Variants in SIPA1L2 observed in about 807,000 individuals in gnomAD.
SIPA1L2 encodes signal induced proliferation associated 1 like 2.
A neutral mutation model predicts 163.9 loss-of-function variants in SIPA1L2; 56 were observed. That is an observed-to-expected ratio of 0.34 (90% CI 0.28 to 0.43). The LOEUF is 0.43. Ranked by LOEUF, SIPA1L2 falls within the 20% of genes least tolerant of loss-of-function variation. The pLI, the probability that SIPA1L2 is intolerant of heterozygous loss-of-function variation, is 1.00. For synonymous variants in SIPA1L2, 877 were observed against 865.7 expected (o/e 1.01, Z -0.23); for missense variants, 1,974 against 2,193.5 (o/e 0.90, Z 2.00).
intron 2 of SIPA1L2, among the ~76,000 whole-genome samples, chr1:232,564,503 C>T (rs1659286233): frequency 6.6e-6 from 1 of 151,734 alleles, no homozygotes; most frequent in Non-Finnish European, 1.5e-5. Flanking sequence ...CACCAAGAGG[C>T]CAGGAGTGCC....
intron 15 of SIPA1L2, among the ~76,000 whole-genome samples, chr1:232,434,976 G>A (rs1662467706): frequency 6.6e-6 from 1 of 152,158 alleles, no homozygotes; most frequent in South Asian, 2.1e-4. Context: ...CAGTCCACAT[G>A]CTAGTTTCCC....
chr1:232,573,034 G>C (rs1659886973), intron 2 of SIPA1L2, among the ~76,000 whole-genome samples: 1 of 151,874 alleles, frequency 6.6e-6, no homozygotes, highest in South Asian at 2.1e-4. Context: ...GTCCGCCTCG[G>C]CCTTCCAAAA....
chr1:232,436,500 C>T (rs1662570982), intron 15 of SIPA1L2, among the ~76,000 whole-genome samples: 2 of 152,182 alleles, frequency 1.3e-5, no homozygotes, highest in Admixed American at 1.3e-4. Flanking sequence ...TCTTCTGTTA[C>T]CTGGGCTACT....
chr1:232,420,218 G>A (rs1230645388), intron 18 of SIPA1L2, among the ~76,000 whole-genome samples: 1 of 152,100 alleles, frequency 6.6e-6, no homozygotes, highest in Non-Finnish European at 1.5e-5. Flanking sequence ...AGTTACTCGG[G>A]AGGCTGAGGC....
chr1:232,609,829 CAA>C (rs71173228), intron 1 of SIPA1L2, among the ~76,000 whole-genome samples: 115 of 102,298 alleles, frequency 1.1e-3, no homozygotes, highest in Middle Eastern at 4.4e-3. Flanking sequence ...GACTCCATCT[CAA>C]AAAAAAAAAA....
intron 18 of SIPA1L2, among the ~76,000 whole-genome samples, chr1:232,416,213 A>G (rs1035749259): frequency 1.3e-5 from 2 of 152,240 alleles, no homozygotes; most frequent in Non-Finnish European, 2.9e-5. Context: ...CAGTCAGCAC[A>G]GGAACCACCA....
chr1:232,626,805 T>C (rs1663100861), intron 1 of SIPA1L2, among the ~76,000 whole-genome samples: 1 of 152,212 alleles, frequency 6.6e-6, no homozygotes, highest in Non-Finnish European at 1.5e-5. Context: ...CTCTAATGCG[T>C]TCGTCTTAAA....
chr1:232,491,231 A>G (rs1037135398), intron 4 of SIPA1L2, among the ~76,000 whole-genome samples, 169 bp from the exon 5 acceptor site: 7 of 152,194 alleles, frequency 4.6e-5, no homozygotes, highest in Non-Finnish European at 1.0e-4. Flanking sequence ...ACACTCAAGG[A>G]GTCTTTAAAC....
At chr1:232,479,767 T>C (rs2102967784) in intron 6 of SIPA1L2, 37 bp from the exon 7 acceptor site, 1 of 1,564,310 alleles carries the variant, frequency 6.4e-7, no homozygotes, top group African/African-American at 1.4e-5. Context: ...CAAGGTAAGC[T>C]GCTACAAAAT....
intron 1 of SIPA1L2, among the ~76,000 whole-genome samples, chr1:232,611,234 T>C (rs1650053944): frequency 6.6e-6 from 1 of 152,220 alleles, no homozygotes; most frequent in African/African-American, 2.4e-5. Flanking sequence ...AAACCATTTT[T>C]TCTTCCCAGT....
chr1:232,440,246 C>T (rs1662808813), intron 14 of SIPA1L2, among the ~76,000 whole-genome samples: 1 of 152,194 alleles, frequency 6.6e-6, no homozygotes, highest in Non-Finnish European at 1.5e-5. Flanking sequence ...CTCATACAGA[C>T]ACGGCCTCTC....
chr1:232,624,172 A>G (rs983380455), intron 1 of SIPA1L2, among the ~76,000 whole-genome samples: 9 of 152,210 alleles, frequency 5.9e-5, no homozygotes, highest in Admixed American at 2.0e-4. Flanking sequence ...AATTGTGTAT[A>G]GATGGGATGC....
At chr1:232,443,537 C>T (rs1663029033) in intron 12 of SIPA1L2, 65 bp downstream of exon 12, 4 of 1,324,256 alleles carry the variant, frequency 3.0e-6, no homozygotes, top group East Asian at 2.5e-5. Flanking sequence ...ACAGTAAATG[C>T]TTTTCAATGA....
intron 1 of SIPA1L2, among the ~76,000 whole-genome samples, chr1:232,623,855 C>T (rs1662941429): frequency 6.6e-6 from 1 of 151,996 alleles, no homozygotes; most frequent in African/African-American, 2.4e-5. Flanking sequence ...CAAGACCCTA[C>T]AGGCTCCCTA....
chr1:232,628,567 G>T (rs1008464676), intron 1 of SIPA1L2, among the ~76,000 whole-genome samples: 16 of 152,180 alleles, frequency 1.1e-4, no homozygotes, highest in Admixed American at 1.0e-3. Flanking sequence ...TAACCAAGTT[G>T]TCTCTTGAAA....
At chr1:232,409,987 A>G (rs1011996443) in intron 19 of SIPA1L2, among the ~76,000 whole-genome samples, 2 of 152,202 alleles carry the variant, frequency 1.3e-5, no homozygotes, top group African/African-American at 4.8e-5. Context: ...TATAATCTCT[A>G]ATTAAACTTC....
rs369174820 is a variant in SIPA1L2, at chr1:232,398,971, C to T, written c.*156G>A. 2.2e-5 allele frequency: 22 copies of T among 984,930 alleles called. No individual in the cohort carries two copies. Among genetic ancestry groups the T allele is most frequent in the South Asian group, 3.5e-5 (2 of 57,760 alleles). The allele number at this position is 984,930 out of a possible 1,614,324, so 61.0% of individuals were successfully genotyped here. The stretch of plus-strand genomic sequence containing the variant: ...TCTGCCGTGGTTACCGAGAAAGAGT[C>T]GAGGCTCCCTATCCTGCTGTGGTGA... On this transcript the variant is annotated 3_prime_UTR_variant, in exon 23 of 23. Coordinates refer to ENST00000674635, the MANE Select transcript of SIPA1L2 (RefSeq NM_020808.5).
intron 2 of SIPA1L2, among the ~76,000 whole-genome samples, chr1:232,559,470 T>G (rs996555925): frequency 2.0e-5 from 3 of 152,146 alleles, no homozygotes; most frequent in African/African-American, 7.2e-5. Flanking sequence ...TGAAAAGAAA[T>G]ATGCCAACTC....
At position 232,428,522 on chromosome 1, in the gene SIPA1L2, A is replaced by T; in HGVS notation, c.4299T>A (p.His1433Gln). Residue 1433 changes from histidine to glutamine, a missense_variant, in exon 17 of 23, where the codon CAT (histidine) becomes CAA (glutamine). His to Gln is a conservative substitution (Grantham distance 24). Around this residue, in one of 3 missense-constraint regions of SIPA1L2, gnomAD observed 1,079 missense variants for 1,150.7 expected, o/e 0.94. Coordinates refer to ENST00000674635, the MANE Select transcript of SIPA1L2 (RefSeq NM_020808.5). ...EMDVMSTATQ[H>Q]QTVVGDAVAE... ...CAACAGCATCTCCCACCACTGTCTG[A>T]TGCTGAGTTGCTGTGGACATGACAT... The T allele has an allele frequency of 6.3e-7, 1 of 1,592,516 alleles. No homozygotes were observed. Among genetic ancestry groups the T allele is most frequent in the Non-Finnish European group, 8.5e-7 (1 of 1,171,588 alleles).
Sources: gnomAD v4.1 joint callset for allele counts (sites outside exome capture counted in the v4.1 genomes callset) on GRCh38, gnomAD v4.1.1 for gene constraint, gnomAD v4.1.1 regional missense constraint, MANE v1.5 for transcripts, NCBI Gene and HGNC (gene_info 2026-07-23, HGNC 2026-07-21) for gene names.